Variants in UNC5C observed in about 807,000 individuals in gnomAD.
The protein encoded by UNC5C is netrin receptor UNC5C.
UNC5C carries 47 observed loss-of-function variants against 99.8 expected under a neutral mutation model. The ratio of observed to expected loss-of-function variants is 0.47; its 90% confidence interval spans 0.37 to 0.60. The LOEUF is 0.60. UNC5C is among the 20% of genes least tolerant of loss of function. UNC5C has a pLI of 0.00. For missense variants in UNC5C, 1,062 were observed against 1,165.9 expected (o/e 0.91, Z 1.30); for synonymous variants, 487 against 452.2 (o/e 1.08, Z -0.98).
chr4:95,215,020 A>G (rs1738199574), intron 10 of UNC5C, among the ~76,000 whole-genome samples: 1 of 152,236 alleles, frequency 6.6e-6, no homozygotes, highest in Non-Finnish European at 1.5e-5. Context: ...TAGACAGGCT[A>G]GTATTTATGT....
chr4:95,175,579 C>T (rs1170005753), intron 14 of UNC5C, among the ~76,000 whole-genome samples: 6 of 152,092 alleles, frequency 3.9e-5, no homozygotes, highest in Non-Finnish European at 5.9e-5. Flanking sequence ...GCCCCCACTC[C>T]CTTCTGGCTT....
rs113765762 is a variant in UNC5C at position 95,242,382 on chromosome 4, C to T, written c.1108+47G>A. 6.4e-4 allele frequency: 1,022 copies of T among 1,606,660 alleles called. 7 individuals are homozygous for T. The African/African-American group carries it at 0.01, about 16-fold the overall frequency. On this transcript the variant is annotated intron_variant, in intron 7 of 15. Transcript: ENST00000453304. ...TTTCCTTAAAAAACTCCAAATGGTT[C>T]AATCTCCAGCCCCCTCAATGTCTGC...
At chr4:95,456,370 AAAGG>A (rs1214957871) in intron 1 of UNC5C, among the ~76,000 whole-genome samples, 1 of 152,126 alleles carries the variant, frequency 6.6e-6, no homozygotes, top group African/African-American at 2.4e-5. Flanking sequence ...TCATTGAGTT[AAAGG>A]AACTTAATCA....
chr4:95,300,408 C>T (rs866293346), intron 3 of UNC5C, among the ~76,000 whole-genome samples: 2 of 152,154 alleles, frequency 1.3e-5, no homozygotes, highest in African/African-American at 4.8e-5. Flanking sequence ...TGCAAGGTAC[C>T]TTTTAACCTC....
chr4:95,361,206 A>T (rs187843173), intron 1 of UNC5C, among the ~76,000 whole-genome samples: 1 of 152,308 alleles, frequency 6.6e-6, no homozygotes, highest in East Asian at 1.9e-4. Context: ...AAAGTACTGG[A>T]TTTGGTTACA....
Position 95,452,961 on chromosome 4 carries a change from T to C in UNC5C, c.124+95773A>G, listed in dbSNP as rs150473835. Among the ~76,000 whole-genome samples, 692 of 152,354 alleles carry C rather than the reference T, an allele frequency of 4.5e-3. 4 individuals carry two copies. Among genetic ancestry groups the C allele is most frequent in the South Asian group, 0.037 (178 of 4,834 alleles). ...TGCCCATTAAAAGGAAGCTGTCTTA[T>C]AGGAAATTGAATGTGGTTGACACTG... is the stretch of plus-strand genomic sequence containing the variant. On this transcript the variant is annotated intron_variant, in intron 1 of 15. Coordinates refer to ENST00000453304, the MANE Select transcript of UNC5C (RefSeq NM_003728.4).
Position 95,175,985 on chromosome 4 carries a change from C to T in UNC5C, c.2452-5653G>A, listed in dbSNP as rs541523233. Among the ~76,000 whole-genome samples the T allele has an allele frequency of 1.0e-3, 159 of 151,980 alleles. 4 individuals are homozygous for T. The South Asian group carries it at 0.032, about 31-fold the overall frequency. On this transcript the variant is annotated intron_variant, in intron 14 of 15. Transcript: ENST00000453304. The stretch of plus-strand genomic sequence containing the variant: ...TCTAAACTTCCTTCTCGCTTCATTT[C>T]ATTCACTTCATCTTCCATCGCTGAT...
chr4:95,285,940 T>A (rs537467995), intron 3 of UNC5C, among the ~76,000 whole-genome samples: 1 of 152,264 alleles, frequency 6.6e-6, no homozygotes, highest in African/African-American at 2.4e-5. Flanking sequence ...AACCCTGGGT[T>A]TAGGTCCTGA....
chr4:95,197,468 A>G lies in UNC5C; in HGVS notation c.2136+5263T>C, dbSNP rs1737476731. 2.0e-5 allele frequency among the ~76,000 whole-genome samples: 3 copies of G among 152,306 alleles called. No individual in the cohort carries two copies. In the South Asian group the frequency reaches 6.2e-4, roughly 32 times the overall value. On this transcript the variant is annotated intron_variant, in intron 12 of 15. Coordinates refer to ENST00000453304, the MANE Select transcript of UNC5C (RefSeq NM_003728.4). ...TGGAGGTGGTCAGGAATTGGATTAA[A>G]GCACAAACAAGGAAGCAGAGATCCT...
chr4:95,183,445 A>G (rs1736698507), intron 13 of UNC5C, among the ~76,000 whole-genome samples: 1 of 152,202 alleles, frequency 6.6e-6, no homozygotes, highest in Admixed American at 6.5e-5. Flanking sequence ...GCCATTGCTC[A>G]TTAATAGAAT....
chr4:95,224,871 G>A (rs1738620003), intron 7 of UNC5C, among the ~76,000 whole-genome samples: 1 of 149,810 alleles, frequency 6.7e-6, no homozygotes, highest in South Asian at 2.1e-4. Context: ...TTTTAATTGA[G>A]ATGAAATTTG....
chr4:95,200,553 A>G (rs1737615553), intron 12 of UNC5C, among the ~76,000 whole-genome samples: 1 of 152,262 alleles, frequency 6.6e-6, no homozygotes, highest in African/African-American at 2.4e-5. Context: ...ATGGTGCCTT[A>G]TAGATAAAAT....
chr4:95,189,470 C>G (rs1036598167), intron 12 of UNC5C, among the ~76,000 whole-genome samples: 1 of 152,144 alleles, frequency 6.6e-6, no homozygotes, highest in Non-Finnish European at 1.5e-5. Context: ...GCAATGGCAA[C>G]AGAAGCCAAA....
chr4:95,510,401 A>G (rs1564898), intron 1 of UNC5C, among the ~76,000 whole-genome samples: 7,664 of 152,090 alleles, frequency 0.05, 301 homozygotes, highest in Admixed American at 0.12. Context: ...TGCCTTAAAA[A>G]CACTAGCTAT....
chr4:95,499,252 T>C (rs1721708685), intron 1 of UNC5C, among the ~76,000 whole-genome samples: 1 of 152,072 alleles, frequency 6.6e-6, no homozygotes, highest in Non-Finnish European at 1.5e-5. Context: ...TTAACACCCT[T>C]AGGCAACTGC....
intron 10 of UNC5C, among the ~76,000 whole-genome samples, chr4:95,208,370 C>T (rs9307155): frequency 0.65 from 98,856 of 152,004 alleles, 32,811 homozygotes; most frequent in Middle Eastern, 0.87. Context: ...TAAGTATTCC[C>T]AACATGAAAG....
chr4:95,519,534 T>G (rs1054760382), intron 1 of UNC5C, among the ~76,000 whole-genome samples: 1 of 149,454 alleles, frequency 6.7e-6, no homozygotes, highest in Non-Finnish European at 1.5e-5. Context: ...CATTAGCACA[T>G]TTAAAAAAAA....
intron 1 of UNC5C, among the ~76,000 whole-genome samples, chr4:95,521,295 T>C (rs531626482): frequency 5.3e-5 from 8 of 149,930 alleles, no homozygotes; most frequent in African/African-American, 2.0e-4. Flanking sequence ...CTCAGCTCAC[T>C]GCAACCTCTG....
rs1339694230 is a variant in UNC5C at position 95,448,227 on chromosome 4, T to TGTGAGAGAGA, written c.124+100506_124+100507insTCTCTCTCAC. On this transcript the variant is annotated intron_variant, in intron 1 of 15. Transcript: ENST00000453304. ...GTGTGTGTGTGTGTGTGTGTGTGTG[T>TGTGAGAGAGA]GAGAGAGAGAGAGAGAGAGAGAGAG... is the stretch of plus-strand genomic sequence containing the variant. Among the ~76,000 whole-genome samples, 5 of 100,142 alleles carry TGTGAGAGAGA rather than the reference T, an allele frequency of 5.0e-5. No homozygotes were observed. The South Asian group carries it at 1.5e-3, about 29-fold the overall frequency. The allele number at this position is 100,142 out of a possible 152,430, so 65.7% of individuals were successfully genotyped here.
Sources: gnomAD v4.1 joint callset for allele counts (sites outside exome capture counted in the v4.1 genomes callset) on GRCh38, gnomAD v4.1.1 for gene constraint, MANE v1.5 for transcripts, NCBI Gene and HGNC (gene_info 2026-07-23, HGNC 2026-07-21) for gene names.